The following COL6A6 variants were observed in gnomAD, a reference collection of about 807,000 sequenced individuals.
COL6A6 encodes the protein collagen type VI alpha 6 chain.
In COL6A6, 183 loss-of-function variants were observed where a neutral mutation model predicts 208.6. The ratio of observed to expected loss-of-function variants is 0.88; its 90% CI spans 0.78 to 0.99. COL6A6 has a LOEUF of 0.99. Ranked by LOEUF, COL6A6 falls within the 50% of genes least tolerant of loss-of-function variation. The probability of loss-of-function intolerance (pLI) is 0.00; values close to 1 mark genes in which losing one functional copy is unlikely to be tolerated. For missense variants in COL6A6, 2,816 were observed against 2,815.2 expected, an observed-to-expected ratio of 1.00 and a Z score of -0.01; for synonymous variants, 973 against 1,011.8, an observed-to-expected ratio of 0.96 and a Z score of 0.73.
At chr3:130,531,034 A>AGTCTCTCT (rs1361204191) in intron 1 of COL6A6, among the ~76,000 whole-genome samples, 2 of 18,142 alleles carry the variant, frequency 1.1e-4, no homozygotes, top group African/African-American at 3.0e-4. Flanking sequence ...ACACACACAC[A>AGTCTCTCT]CACAGACACA....
chr3:130,664,092 T>C (rs927494273), intron 35 of COL6A6, among the ~76,000 whole-genome samples: 1 of 152,164 alleles, frequency 6.6e-6, no homozygotes, highest in Non-Finnish European at 1.5e-5. Context: ...CTGGTCTAGC[T>C]CCCTCGCTTT....
At chr3:130,607,937 T>TCAAGACATGAG (rs1274760661) in intron 21 of COL6A6, among the ~76,000 whole-genome samples, 14 of 152,178 alleles carry the variant, frequency 9.2e-5, no homozygotes, top group African/African-American at 3.1e-4. Context: ...AAGTCCAAGA[T>TCAAGACATGAG]CAAGACATGA....
chr3:130,570,838 T>G lies in COL6A6; in HGVS notation c.2422T>G (p.Leu808Val), dbSNP rs770132015. ...TTCAGAATGCAAGCGGATTGAAGTT[T>G]TAGACGTTGTGTTTGTCATTGATAG... ...PREECKRIEVLDVVFVIDSSG... is the reference protein window; with the variant it reads ...PREECKRIEVVDVVFVIDSSG... Residue 808 changes from leucine (L) to valine (V), a missense_variant, in exon 7 of 37, where the codon TTA becomes GTA. Physicochemically the swap from Leu to Val is conservative, Grantham distance 32 (BLOSUM62 1). Coordinates refer to ENST00000358511, the MANE Select transcript of COL6A6 (RefSeq NM_001102608.3). The G allele has an allele frequency of 6.2e-6, 10 of 1,612,436 alleles. No individual in the cohort carries two copies. The East Asian group carries it at 2.2e-4, about 36-fold the overall frequency.
Position 130,565,162 on chromosome 3 carries a change from C to T in COL6A6, c.830C>T (p.Thr277Ile). The T allele has an allele frequency of 6.2e-7, 1 of 1,613,942 alleles. No individual in the cohort carries two copies. The highest frequency in any genetic ancestry group is 8.5e-7 in the Non-Finnish European group (1 of 1,179,842). The change falls in exon 4 of 37, where the codon ACA becomes ATA. Residue 277 changes from threonine (T) to isoleucine (I), a missense_variant. Physicochemically the swap from Thr to Ile is moderately conservative, Grantham distance 89 (BLOSUM62 -1). Coordinates refer to ENST00000358511, the MANE Select transcript of COL6A6 (RefSeq NM_001102608.3). ...GGCCTTGTGGCCTATAGCAATGAGACAAAAGTGATAAATTCACTGAGCATG... is the reference window on the plus strand; with the variant it reads ...GGCCTTGTGGCCTATAGCAATGAGATAAAAGTGATAAATTCACTGAGCATG... ...RVGLVAYSNE[T>I]KVINSLSMGI...
At position 130,634,206 on chromosome 3, in the gene COL6A6, A is replaced by AAAT. The variant is rs1232932657; in HGVS notation, c.4993-382_4993-381insTAA. ...AAATCTCAAGCTATAAAATGTTAAA[A>AAAT]AAAAAAATAAATAAATAAATAAATA... On this transcript the variant is annotated intron_variant, in intron 26 of 36. Coordinates refer to ENST00000358511, the MANE Select transcript of COL6A6 (RefSeq NM_001102608.3). Among the ~76,000 whole-genome samples the AAAT allele has an allele frequency of 7.0e-5, 4 of 57,548 alleles. No homozygotes were observed. The African/African-American group carries it at 1.2e-3, about 17-fold the overall frequency. The allele number at this position is 57,548 out of a possible 152,430, so 37.8% of individuals were successfully genotyped here. A position where few individuals can be genotyped will look rare whatever the true frequency, so the allele number is the denominator to read the frequency against.
chr3:130,531,060 AGTCT>A lies in COL6A6; in HGVS notation c.-32+13664_-32+13667del, dbSNP rs372331565. 4.9e-3 allele frequency among the ~76,000 whole-genome samples: 87 copies of A among 17,856 alleles called. 1 individual carries two copies. The highest frequency in any genetic ancestry group is 9.2e-3 in the African/African-American group (85 of 9,212). The allele number at this position is 17,856 out of a possible 152,430, so 11.7% of individuals were successfully genotyped here. Reference sequence around the variant, plus strand: ...CACAGACACACACACACACACACACAGTCTCTCTCTCTCTCTCTCTCTCTCTCTC... The same window carrying A: ...CACAGACACACACACACACACACACACTCTCTCTCTCTCTCTCTCTCTCTC... On this transcript the variant is annotated intron_variant, in intron 1 of 36. Coordinates refer to ENST00000358511, the MANE Select transcript of COL6A6 (RefSeq NM_001102608.3).
intron 1 of COL6A6, among the ~76,000 whole-genome samples, chr3:130,519,626 G>C (rs2107656552): frequency 6.6e-6 from 1 of 152,226 alleles, no homozygotes; most frequent in African/African-American, 2.4e-5. Context: ...TCAAGTTATA[G>C]ACAAACTCAA....
intron 23 of COL6A6, among the ~76,000 whole-genome samples, chr3:130,615,581 A>T (rs1462686476): frequency 6.6e-6 from 1 of 152,178 alleles, no homozygotes; most frequent in African/African-American, 2.4e-5. Flanking sequence ...TTTAATTTTG[A>T]TGAAGGTGCT....
intron 8 of COL6A6, among the ~76,000 whole-genome samples, chr3:130,576,416 G>A (rs2063297930): frequency 6.6e-6 from 1 of 152,130 alleles, no homozygotes; most frequent in Non-Finnish European, 1.5e-5. Flanking sequence ...TTCTGTAGTT[G>A]ATTTGGGACT....
intron 1 of COL6A6, among the ~76,000 whole-genome samples, chr3:130,527,890 C>CTTT (rs56110472): frequency 1.0e-4 from 6 of 57,822 alleles, no homozygotes; most frequent in Middle Eastern, 0.012. Context: ...GTTACTTTTC[C>CTTT]TTTTTTTTTT....
Position 130,649,254 on chromosome 3 carries a change from G to A in COL6A6, c.5425G>A (p.Ala1809Thr), listed in dbSNP as rs143290812. 8.4e-4 allele frequency: 1,341 copies of A among 1,597,350 alleles called. 23 individuals are homozygous for A. In the East Asian group the frequency reaches 0.025, roughly 29 times the overall value. The part of the protein sequence containing the change: ...HIAILSYNSH[A>T]RHLVRFSDAY... ...CGCCATCCTCTCCTATAACTCCCACGCCAGGCACCTTGTGCGCTTCTCAGA... is the reference window on the plus strand; with the variant it reads ...CGCCATCCTCTCCTATAACTCCCACACCAGGCACCTTGTGCGCTTCTCAGA... The change falls in exon 33 of 37, where the codon GCC becomes ACC. Residue 1809 changes from alanine (A) to threonine (T), a missense_variant. Coordinates refer to ENST00000358511, the MANE Select transcript of COL6A6 (RefSeq NM_001102608.3).
rs548353080 is a variant in COL6A6, at chr3:130,612,236, A to G, written c.4815+1525A>G. Among the ~76,000 whole-genome samples the G allele has an allele frequency of 4.6e-5, 7 of 152,280 alleles. No individual in the cohort carries two copies. The South Asian group carries it at 1.2e-3, about 27-fold the overall frequency. On this transcript the variant is annotated intron_variant, in intron 23 of 36. Coordinates refer to ENST00000358511, the MANE Select transcript of COL6A6 (RefSeq NM_001102608.3). ...CTTTGCTATTGTGAGTAGTGCTGCA[A>G]TGAATGTACACATGCATGTGTCTTT...
chr3:130,619,671 A>G (rs1292638831), intron 23 of COL6A6, among the ~76,000 whole-genome samples: 1 of 152,180 alleles, frequency 6.6e-6, no homozygotes, highest in Non-Finnish European at 1.5e-5. Flanking sequence ...AGGATGCAAG[A>G]TGGGCCTGAA....
At chr3:130,620,470 G>A (rs886344212) in intron 23 of COL6A6, among the ~76,000 whole-genome samples, 3 of 152,074 alleles carry the variant, frequency 2.0e-5, no homozygotes, top group Admixed American at 2.0e-4. Flanking sequence ...AAAGGTGAGG[G>A]CAAAAAAGTG....
intron 28 of COL6A6, among the ~76,000 whole-genome samples, chr3:130,638,327 G>C (rs947941161): frequency 3.9e-5 from 6 of 152,154 alleles, no homozygotes; most frequent in Non-Finnish European, 8.8e-5. Context: ...AAAAGTTGCT[G>C]ATGTACCTTT....
At chr3:130,622,975 A>G (rs2064780836) in intron 24 of COL6A6, among the ~76,000 whole-genome samples, 1 of 152,136 alleles carries the variant, frequency 6.6e-6, no homozygotes, top group South Asian at 2.1e-4. Flanking sequence ...ACAAGGTTGG[A>G]AAATCCTGAG....
chr3:130,626,394 A>C, intron 24 of COL6A6, 91 bp from the exon 25 acceptor site: 1 of 939,492 alleles, frequency 1.1e-6, no homozygotes, highest in South Asian at 1.3e-5. Flanking sequence ...TCTGGGCACA[A>C]ACCCATTGTT....
In COL6A6 at chr3:130,675,656, G is replaced by A. The variant is rs574923723; in HGVS notation, c.*259G>A. ...AAGAAGTGTTTTGAAAAGTCTAATG[G>A]AGATATAATTTGAAGGTAAAATTTA... On this transcript the variant is annotated 3_prime_UTR_variant, in exon 37 of 37. Coordinates refer to ENST00000358511, the MANE Select transcript of COL6A6 (RefSeq NM_001102608.3). 106 of 337,298 alleles carry A rather than the reference G, an allele frequency of 3.1e-4. No individual in the cohort carries two copies. The Middle Eastern group carries it at 4.0e-3, about 13-fold the overall frequency. 20.9% of individuals were successfully genotyped at this position (337,298 alleles called of 1,614,324 possible).
chr3:130,589,210 C>T, intron 12 of COL6A6, 28 bp downstream of exon 12: 1 of 1,538,730 alleles, frequency 6.5e-7, no homozygotes, highest in Non-Finnish European at 9.0e-7. Flanking sequence ...TTATGGGTTA[C>T]TTTGAGTTGT....
Sources: gnomAD v4.1 joint callset for allele counts (sites outside exome capture counted in the v4.1 genomes callset) on GRCh38, gnomAD v4.1.1 for gene constraint, MANE v1.5 for transcripts, NCBI Gene and HGNC (gene_info 2026-07-23, HGNC 2026-07-21) for gene names.